Variants in SPOCK3 observed in about 807,000 individuals in gnomAD.
SPOCK3 encodes the protein SPARC (osteonectin), cwcv and kazal like domains proteoglycan 3, also known as testican-3.
Under a neutral mutation model 56.6 loss-of-function variants are expected in SPOCK3, and 30 were observed. That is an observed-to-expected ratio of 0.53 (90% CI 0.40 to 0.72). The LOEUF is 0.72. Among genes scored for constraint, SPOCK3 ranks in the 30% least tolerant of loss-of-function variants. SPOCK3 has a pLI of 0.00. For missense variants in SPOCK3, 527 were observed against 530.0 expected (o/e 0.99, Z 0.06); for synonymous variants, 196 against 183.3 (o/e 1.07, Z -0.56).
chr4:167,027,252 T>C (rs982734376), intron 3 of SPOCK3, among the ~76,000 whole-genome samples: 1 of 152,036 alleles, frequency 6.6e-6, no homozygotes, highest in Admixed American at 6.6e-5. Context: ...AAAATGTTTC[T>C]GATTAAATTG....
At chr4:167,028,705 C>T (rs1256244410) in intron 3 of SPOCK3, among the ~76,000 whole-genome samples, 1 of 151,930 alleles carries the variant, frequency 6.6e-6, no homozygotes, top group Non-Finnish European at 1.5e-5. Flanking sequence ...TTTGGGTAGC[C>T]ATGTGCCCAA....
At chr4:166,937,576 G>T (rs915777101) in intron 4 of SPOCK3, among the ~76,000 whole-genome samples, 2 of 148,160 alleles carry the variant, frequency 1.3e-5, no homozygotes, top group Non-Finnish European at 3.0e-5. Context: ...TATTTCCAGT[G>T]AAAACCATTT....
At chr4:167,116,653 C>CGT (rs764800332) in intron 2 of SPOCK3, among the ~76,000 whole-genome samples, 9,377 of 71,242 alleles carry the variant, frequency 0.13, 682 homozygotes, top group Admixed American at 0.28. Flanking sequence ...TATATATACA[C>CGT]ATATATACGT....
At position 166,747,132 on chromosome 4, in the gene SPOCK3, T is replaced by C. The variant is rs150109899; in HGVS notation, c.932-5073A>G. 3.5e-3 allele frequency among the ~76,000 whole-genome samples: 536 copies of C among 152,304 alleles called. 15 individuals carry two copies. The East Asian group carries it at 0.084, about 24-fold the overall frequency. On this transcript the variant is annotated intron_variant, in intron 8 of 10. Coordinates refer to ENST00000357545, the MANE Select transcript of SPOCK3 (RefSeq NM_001040159.2). ...AAAGTGAATCCTCCCTAACTCATTTTATGAGGTCAACATCATCCTGATACC... is the reference window on the plus strand; with the variant it reads ...AAAGTGAATCCTCCCTAACTCATTTCATGAGGTCAACATCATCCTGATACC...
chr4:166,753,632 T>C (rs1214553803), intron 8 of SPOCK3, among the ~76,000 whole-genome samples: 1 of 152,064 alleles, frequency 6.6e-6, no homozygotes, highest in Non-Finnish European at 1.5e-5. Flanking sequence ...CGAAGACTGG[T>C]AATCATTGAT....
intron 2 of SPOCK3, among the ~76,000 whole-genome samples, chr4:167,126,773 C>T (rs912033515): frequency 1.3e-5 from 2 of 152,156 alleles, no homozygotes; most frequent in African/African-American, 2.4e-5. Context: ...TACGCAGTAA[C>T]ACCAGCAAAA....
At chr4:167,096,072 G>T (rs1254226838) in intron 2 of SPOCK3, among the ~76,000 whole-genome samples, 3 of 151,728 alleles carry the variant, frequency 2.0e-5, no homozygotes, top group African/African-American at 7.2e-5. Flanking sequence ...GGCTTTCTAT[G>T]TGCAAAACTA....
intron 3 of SPOCK3, among the ~76,000 whole-genome samples, chr4:167,037,076 A>G (rs1044511996): frequency 6.6e-6 from 1 of 152,202 alleles, no homozygotes; most frequent in Non-Finnish European, 1.5e-5. Flanking sequence ...AGAGTTGAGA[A>G]TTTGAGACCA....
intron 3 of SPOCK3, among the ~76,000 whole-genome samples, chr4:167,017,303 A>G (rs891284537): frequency 6.6e-6 from 1 of 152,086 alleles, no homozygotes; most frequent in African/African-American, 2.4e-5. Context: ...AGACATGAAC[A>G]TATCTTAATA....
chr4:167,060,705 C>A (rs573275856), intron 3 of SPOCK3, among the ~76,000 whole-genome samples: 2 of 152,028 alleles, frequency 1.3e-5, no homozygotes, highest in Non-Finnish European at 2.9e-5. Context: ...AAAATATCAT[C>A]GGGATGCCAT....
chr4:167,040,814 G>A (rs753846631), intron 3 of SPOCK3, among the ~76,000 whole-genome samples: 4 of 152,144 alleles, frequency 2.6e-5, no homozygotes, highest in Non-Finnish European at 1.5e-5. Context: ...ATGAAACTTA[G>A]GGGATAAAAG....
intron 2 of SPOCK3, among the ~76,000 whole-genome samples, chr4:167,157,063 T>A (rs1764877178): frequency 6.6e-6 from 1 of 151,974 alleles, no homozygotes. Context: ...GTAGTGGAAG[T>A]ACAGAAAATA....
At chr4:167,121,212 C>G (rs1761839275) in intron 2 of SPOCK3, among the ~76,000 whole-genome samples, 1 of 151,194 alleles carries the variant, frequency 6.6e-6, no homozygotes, top group African/African-American at 2.4e-5. Flanking sequence ...CAGAGCAGTT[C>G]CAGGATATTG....
Position 167,168,285 on chromosome 4 carries a change from G to A in SPOCK3, c.189+65700C>T, listed in dbSNP as rs563594329. Among the ~76,000 whole-genome samples the A allele has an allele frequency of 3.9e-5, 6 of 152,292 alleles. No homozygotes were observed. The East Asian group carries it at 1.2e-3, about 29-fold the overall frequency. On this transcript the variant is annotated intron_variant, in intron 2 of 10. Transcript: ENST00000357545. ...CTTTGGAACTGGGTAACAGGCAGAA[G>A]TTGGAACTGTTTGGAGGGCTCACAA...
At chr4:167,071,886 T>C (rs964042508) in intron 2 of SPOCK3, among the ~76,000 whole-genome samples, 2 of 152,094 alleles carry the variant, frequency 1.3e-5, no homozygotes, top group African/African-American at 4.8e-5. Context: ...CAGCATCTGT[T>C]GTTTCCTGAC....
At chr4:166,790,176 G>A (rs956483185) in intron 7 of SPOCK3, among the ~76,000 whole-genome samples, 2 of 152,060 alleles carry the variant, frequency 1.3e-5, no homozygotes, top group Admixed American at 6.6e-5. Context: ...AAATACAGTG[G>A]TGAATAAAGA....
chr4:166,956,220 T>C (rs542449317), intron 4 of SPOCK3, among the ~76,000 whole-genome samples: 30 of 149,734 alleles, frequency 2.0e-4, no homozygotes, highest in South Asian at 1.5e-3. Context: ...ACCACACACA[T>C]ACACACACAC....
chr4:167,212,687 C>T (rs557699832), intron 2 of SPOCK3, among the ~76,000 whole-genome samples: 91 of 152,198 alleles, frequency 6.0e-4, no homozygotes, highest in African/African-American at 2.1e-3. Context: ...TAATGTAATT[C>T]AGAGAACCAA....
intron 2 of SPOCK3, among the ~76,000 whole-genome samples, chr4:167,096,636 AT>A (rs1438866604): frequency 2.6e-5 from 4 of 151,682 alleles, no homozygotes; most frequent in African/African-American, 9.7e-5. Context: ...AATTATTTTT[AT>A]TTTTTAAATG....
Sources: gnomAD v4.1 joint callset for allele counts (sites outside exome capture counted in the v4.1 genomes callset) on GRCh38, gnomAD v4.1.1 for gene constraint, MANE v1.5 for transcripts, NCBI Gene and HGNC (gene_info 2026-07-23, HGNC 2026-07-21) for gene names.